Variants in PLK3 observed in about 807,000 individuals in gnomAD.
PLK3 encodes the protein polo like kinase 3, also known as serine/threonine-protein kinase PLK3.
Under a neutral mutation model 71.6 loss-of-function variants are expected in PLK3, and 41 were observed. The ratio of observed to expected loss-of-function variants is 0.57; its 90% CI spans 0.45 to 0.74. The LOEUF is 0.74. Ranked by LOEUF, PLK3 falls within the 30% of genes least tolerant of loss-of-function variation. The probability of loss-of-function intolerance (pLI) is 0.00; values close to 1 mark genes in which losing one functional copy is unlikely to be tolerated. For synonymous variants in PLK3, 366 were observed against 355.4 expected, an observed-to-expected ratio of 1.03 and a Z score of -0.33; for missense variants, 791 against 875.6, an observed-to-expected ratio of 0.90 and a Z score of 1.22.
intron 3 of PLK3, 67 bp from the exon 4 acceptor site, chr1:44,801,555 G>C: frequency 1.9e-6 from 3 of 1,562,850 alleles, no homozygotes; most frequent in Non-Finnish European, 2.6e-6. Flanking sequence ...TTCTTCCTCA[G>C]GGAGCACAGA....
rs1447016003 is a variant in PLK3, at chr1:44,803,899, G to A, written c.1165-32G>A. The A allele has an allele frequency of 5.4e-6, 8 of 1,485,736 alleles. No homozygotes were observed. The South Asian group carries it at 8.5e-5, about 16-fold the overall frequency. The allele number at this position is 1,485,736 out of a possible 1,614,324, so 92.0% of individuals were successfully genotyped here. ...CTCAAGGGTTTGGATTTTGGGGCCT[G>A]TGTCACTCCCTTTCCCTGCCCAACC... On this transcript the variant is annotated intron_variant, in intron 9 of 14. Coordinates refer to ENST00000372201, the MANE Select transcript of PLK3 (RefSeq NM_004073.4). The surrounding 1 kb of genome is among the most constrained non-coding windows in gnomAD (Gnocchi z 4.3).
Position 44,800,769 on chromosome 1 carries a change from C to A in PLK3, c.211-71C>A. On this transcript the variant is annotated intron_variant, in intron 1 of 14. Coordinates refer to ENST00000372201, the MANE Select transcript of PLK3 (RefSeq NM_004073.4). This position sits in a 1 kb window ranked among gnomAD's most constrained non-coding sequence, Gnocchi z 6.5. ...CGAGCAGGGCGTGGGCACTTGACCC[C>A]CAACGCGGGGACGCCCGCGGGCCAG... 1 of 1,546,720 alleles carries A rather than the reference C, an allele frequency of 6.5e-7. No individual in the cohort carries two copies. The highest frequency in any genetic ancestry group is 8.7e-7 in the Non-Finnish European group (1 of 1,146,256).
At position 44,801,678 on chromosome 1, in the gene PLK3, C is replaced by T. The variant is rs954177670; in HGVS notation, c.492C>T (p.Tyr164=). The change falls in exon 4 of 15, where the codon TAC becomes TAT. Residue 164 remains tyrosine (Y), a synonymous_variant. Coordinates refer to ENST00000372201, the MANE Select transcript of PLK3 (RefSeq NM_004073.4). ...RHTLLEPEVR[Y]YLRQILSGLK... is the part of the protein sequence containing the mutation. ...CCCTGTTGGAGCCAGAAGTGCGCTA[C>T]TACCTGCGGCAGATCCTTTCTGGCC... The T allele has an allele frequency of 2.5e-6, 4 of 1,613,594 alleles. No homozygotes were observed. The highest frequency in any genetic ancestry group is 2.5e-6 in the Non-Finnish European group (3 of 1,179,952).
chr1:44,802,161 TCTG>T (rs1310722300), intron 5 of PLK3, among the ~76,000 whole-genome samples: 30 of 152,088 alleles, frequency 2.0e-4, no homozygotes, highest in East Asian at 3.9e-4. Context: ...GGTAGGTGAC[TCTG>T]AGTCCCTGAG....
chr1:44,805,760 T>C lies in PLK3; in HGVS notation c.*82T>C. 1 of 1,449,012 alleles carries C rather than the reference T, an allele frequency of 6.9e-7. No individual in the cohort carries two copies. Among genetic ancestry groups the C allele is most frequent in the Non-Finnish European group, 9.4e-7 (1 of 1,065,574 alleles). The allele number at this position is 1,449,012 out of a possible 1,614,324, so 89.8% of individuals were successfully genotyped here. On this transcript the variant is annotated 3_prime_UTR_variant, in exon 15 of 15. Coordinates refer to ENST00000372201, the MANE Select transcript of PLK3 (RefSeq NM_004073.4). ...TGGCCTTCCCCCTTCCTTTGGTGCC[T>C]CACTGGGGGCTTTGGGCCGAATCCC...
intron 5 of PLK3, among the ~76,000 whole-genome samples, chr1:44,802,183 G>A (rs1651855993): frequency 6.6e-6 from 1 of 152,082 alleles, no homozygotes; most frequent in Non-Finnish European, 1.5e-5. Flanking sequence ...AGACAGATGG[G>A]GGTATACAGA....
At position 44,801,113 on chromosome 1, in the gene PLK3, T is replaced by A; in HGVS notation, c.396T>A (p.Ala132=). ...IVRFSHHFED[A]DNIYIFLELC... Reference sequence around the variant, plus strand: ...GTTTTTCGCACCACTTTGAGGACGCTGACAACATCTACATTTTCTTGGAGC... The same window carrying A: ...GTTTTTCGCACCACTTTGAGGACGCAGACAACATCTACATTTTCTTGGAGC... The change falls in exon 3 of 15, where the codon GCT becomes GCA. Residue 132 remains alanine (A), a synonymous_variant. Transcript: ENST00000372201. 6.2e-7 allele frequency: 1 copy of A among 1,612,938 alleles called. No individual in the cohort carries two copies. Among genetic ancestry groups the A allele is most frequent in the Non-Finnish European group, 8.5e-7 (1 of 1,179,718 alleles).
chr1:44,803,275 C>A lies in PLK3; in HGVS notation c.956C>A (p.Thr319Asn), dbSNP rs1449298206. Residue 319 changes from threonine to asparagine, a missense_variant, in exon 8 of 15, where the codon ACC (threonine) becomes AAC (asparagine). Coordinates refer to ENST00000372201, the MANE Select transcript of PLK3 (RefSeq NM_004073.4). This position sits in a 1 kb window ranked among gnomAD's most constrained non-coding sequence, Gnocchi z 4.3. ...LRHDFFTKGYTPDRLPISSCV... is the reference protein window; with the variant it reads ...LRHDFFTKGYNPDRLPISSCV... ...CATGGTTCCCCTCCCTAGGGCTACA[C>A]CCCCGATCGACTCCCTATCAGCAGC... 1 of 1,614,084 alleles carries A rather than the reference C, an allele frequency of 6.2e-7. No individual in the cohort carries two copies. Among genetic ancestry groups the A allele is most frequent in the Admixed American group, 1.7e-5 (1 of 60,016 alleles).
chr1:44,801,287 G>C (rs1199295784), intron 3 of PLK3, 135 bp downstream of exon 3: 1 of 610,546 alleles, frequency 1.6e-6, no homozygotes, highest in African/African-American at 2.0e-5. Context: ...TCGGCTCACT[G>C]CAATCTCTGC....
Position 44,803,092 on chromosome 1 carries a change from G to A in PLK3, c.887G>A (p.Arg296Gln), listed in dbSNP as rs762679205. The change falls in exon 7 of 15, where the codon CGG becomes CAG. Residue 296 changes from arginine to glutamine, a missense_variant. Coordinates refer to ENST00000372201, the MANE Select transcript of PLK3 (RefSeq NM_004073.4). The surrounding 1 kb of genome is among the most constrained non-coding windows in gnomAD (Gnocchi z 4.3). ...PARQLLAAIL[R>Q]ASPRDRPSID... ...CGGCAGCTCCTGGCCGCCATCCTTCGGGCCTCACCCCGAGACCGCCCCTCT... is the reference window on the plus strand; with the variant it reads ...CGGCAGCTCCTGGCCGCCATCCTTCAGGCCTCACCCCGAGACCGCCCCTCT... The A allele has an allele frequency of 2.3e-5, 37 of 1,613,700 alleles. No homozygotes were observed. Among genetic ancestry groups the A allele is most frequent in the South Asian group, 2.2e-4 (20 of 91,086 alleles).
intron 3 of PLK3, 102 bp downstream of exon 3, chr1:44,801,254 G>C: frequency 1.4e-6 from 1 of 718,448 alleles, no homozygotes; most frequent in South Asian, 1.9e-5. Context: ...CTGTTGCCCA[G>C]GCTGGAGTGC....
At position 44,803,558 on chromosome 1, in the gene PLK3, G is replaced by A; in HGVS notation, c.1073-42G>A. ...TGTCATCCCTGTCGGAAGTGGAGGG[G>A]CTGGGCAGGATACTGAGGACGGTAT... is the stretch of plus-strand genomic sequence containing the variant. On this transcript the variant is annotated intron_variant, in intron 8 of 14. Coordinates refer to ENST00000372201, the MANE Select transcript of PLK3 (RefSeq NM_004073.4). This position sits in a 1 kb window ranked among gnomAD's most constrained non-coding sequence, Gnocchi z 4.3. 1.3e-6 allele frequency: 2 copies of A among 1,589,860 alleles called. No individual in the cohort carries two copies. The highest frequency in any genetic ancestry group is 1.7e-6 in the Non-Finnish European group (2 of 1,158,994).
chr1:44,805,448 G>T, intron 14 of PLK3, 39 bp from the exon 15 acceptor site: 1 of 1,610,362 alleles, frequency 6.2e-7, no homozygotes, highest in Non-Finnish European at 8.5e-7. Flanking sequence ...AGCTGGGCCC[G>T]GAGCCTAGGT....
chr1:44,800,423 G>C lies in PLK3; in HGVS notation c.-41G>C. The C allele has an allele frequency of 7.7e-7, 1 of 1,290,600 alleles. No individual in the cohort carries two copies. Among genetic ancestry groups the C allele is most frequent in the Non-Finnish European group, 9.8e-7 (1 of 1,023,170 alleles). The allele number at this position is 1,290,600 out of a possible 1,614,324, so 79.9% of individuals were successfully genotyped here. ...GCGCCACGCGCGGCCGGGGCCGGGC[G>C]GAACCGAGAAGCCGGGACCGCGCTG... is the stretch of plus-strand genomic sequence containing the variant. On this transcript the variant is annotated 5_prime_UTR_variant, in exon 1 of 15. Coordinates refer to ENST00000372201, the MANE Select transcript of PLK3 (RefSeq NM_004073.4). This position sits in a 1 kb window ranked among gnomAD's most constrained non-coding sequence, Gnocchi z 6.5.
At chr1:44,804,103 G>A (rs1189959596) in intron 10 of PLK3, 60 bp from the exon 11 acceptor site, 1 of 1,551,960 alleles carries the variant, frequency 6.4e-7, no homozygotes, top group Admixed American at 1.7e-5. Context: ...AGTGGGCAGA[G>A]GGGCCTGGCC....
chr1:44,802,021 C>G, intron 5 of PLK3, 89 bp downstream of exon 5: 1 of 951,016 alleles, frequency 1.1e-6, no homozygotes, highest in Non-Finnish European at 1.6e-6. Flanking sequence ...AGGTGACTGC[C>G]TGATGTGTGC....
At chr1:44,805,447 C>A in intron 14 of PLK3, 40 bp from the exon 15 acceptor site, 1 of 1,609,194 alleles carries the variant, frequency 6.2e-7, no homozygotes. Context: ...AAGCTGGGCC[C>A]GGAGCCTAGG....
rs774048021 is a variant in PLK3 at position 44,803,095 on chromosome 1, C to T, written c.890C>T (p.Ala297Val). The T allele has an allele frequency of 6.2e-7, 1 of 1,613,888 alleles. No homozygotes were observed. The highest frequency in any genetic ancestry group is 8.5e-7 in the Non-Finnish European group (1 of 1,180,002). The change falls in exon 7 of 15, where the codon GCC becomes GTC. Residue 297 changes from alanine (A) to valine (V), a missense_variant. Coordinates refer to ENST00000372201, the MANE Select transcript of PLK3 (RefSeq NM_004073.4). This position sits in a 1 kb window ranked among gnomAD's most constrained non-coding sequence, Gnocchi z 4.3. ...CAGCTCCTGGCCGCCATCCTTCGGG[C>T]CTCACCCCGAGACCGCCCCTCTATT... ...ARQLLAAILR[A>V]SPRDRPSIDQ...
rs754540708 is a variant in PLK3, at chr1:44,805,319, G to C, written c.1689G>C (p.Leu563=). The C allele has an allele frequency of 3.7e-6, 6 of 1,614,124 alleles. No homozygotes were observed. In the South Asian group the frequency reaches 6.6e-5, roughly 18 times the overall value. The change falls in exon 14 of 15, where the codon CTG becomes CTC. Residue 563 remains leucine (L), a synonymous_variant. Transcript: ENST00000372201. Reference sequence around the variant, plus strand: ...TAGAGGTACCTGCTCCGCCCTTGCTGCTGCAGTGGGTCAAGACGGATCAGG... The same window carrying C: ...TAGAGGTACCTGCTCCGCCCTTGCTCCTGCAGTGGGTCAAGACGGATCAGG... ...EEVEVPAPPL[L]LQWVKTDQAL...
Sources: gnomAD v4.1 joint callset for allele counts (sites outside exome capture counted in the v4.1 genomes callset) on GRCh38, gnomAD v4.1.1 for gene constraint, Gnocchi (gnomAD v3.1) non-coding constraint, MANE v1.5 for transcripts, NCBI Gene and HGNC (gene_info 2026-07-23, HGNC 2026-07-21) for gene names.